RBFOX1: variants seen among roughly 807,000 people sequenced by gnomAD.
The protein encoded by RBFOX1 is RNA binding protein fox-1 homolog 1.
In RBFOX1, 8 loss-of-function variants were observed where a neutral mutation model predicts 57.7. The observed-to-expected ratio is 0.14, with a 90% CI of 0.08 to 0.25. The LOEUF is 0.25. Ranked by LOEUF, RBFOX1 falls within the 10% of genes least tolerant of loss-of-function variation. RBFOX1 has a pLI of 1.00. For missense variants in RBFOX1, 611 were observed against 548.5 expected (o/e 1.11, Z -1.14); for synonymous variants, 326 against 222.4 (o/e 1.47, Z -4.15).
At chr16:5,408,121 G>T in intron 1 of RBFOX1, among the ~76,000 whole-genome samples, 1 of 152,156 alleles carries the variant, frequency 6.6e-6, no homozygotes, top group Non-Finnish European at 1.5e-5. Flanking sequence ...TCCTCCTCCT[G>T]TCCAGTTGTG....
At chr16:7,352,257 G>T (rs1461918191) in intron 4 of RBFOX1, among the ~76,000 whole-genome samples, 2 of 152,194 alleles carry the variant, frequency 1.3e-5, no homozygotes, top group African/African-American at 2.4e-5. Context: ...CAGCTGTGCA[G>T]TGTAACCTAA....
At chr16:7,534,240 C>T (rs9937813) in intron 5 of RBFOX1, among the ~76,000 whole-genome samples, 13,113 of 151,598 alleles carry the variant, frequency 0.086, 1,550 homozygotes, top group African/African-American at 0.27. Flanking sequence ...GCACCCATCA[C>T]CACACCCAGT....
chr16:5,379,253 G>A (rs902157260), intron 1 of RBFOX1, among the ~76,000 whole-genome samples: 2 of 151,312 alleles, frequency 1.3e-5, no homozygotes, highest in Non-Finnish European at 2.9e-5. Flanking sequence ...TTTCATATTT[G>A]GTTTCATTTT....
chr16:7,461,549 G>T (rs761418981), intron 4 of RBFOX1, among the ~76,000 whole-genome samples: 1 of 152,168 alleles, frequency 6.6e-6, no homozygotes, highest in Non-Finnish European at 1.5e-5. Flanking sequence ...GTGTATTTCA[G>T]ATACCCTCCA....
chr16:6,104,625 T>A (rs549847094), intron 1 of RBFOX1, among the ~76,000 whole-genome samples: 1 of 152,204 alleles, frequency 6.6e-6, no homozygotes, highest in East Asian at 1.9e-4. Flanking sequence ...CCTAGCAGCA[T>A]AATTCAAAAT....
chr16:6,568,265 G>A lies in RBFOX1; in HGVS notation c.-63-86338G>A, dbSNP rs530793454. 2.9e-4 allele frequency among the ~76,000 whole-genome samples: 44 copies of A among 152,278 alleles called. No individual in the cohort carries two copies. The South Asian group carries it at 8.5e-3, about 29-fold the overall frequency. ...TGTGAGGTGGTGGTTCAGTACATCA[G>A]CTGGGGCAGCCGTCAGTGACAGTTG... On this transcript the variant is annotated intron_variant, in intron 2 of 15. Transcript: ENST00000550418.
At chr16:6,892,495 C>G (rs902704562) in intron 3 of RBFOX1, among the ~76,000 whole-genome samples, 1 of 152,004 alleles carries the variant, frequency 6.6e-6, no homozygotes, top group African/African-American at 2.4e-5. Flanking sequence ...CACGGTGAAA[C>G]CCTGATTCTA....
chr16:7,176,745 A>G (rs914183995), intron 4 of RBFOX1, among the ~76,000 whole-genome samples: 4 of 152,240 alleles, frequency 2.6e-5, no homozygotes, highest in Non-Finnish European at 5.9e-5. Flanking sequence ...TACTTTTATT[A>G]TAGTCAAGGT....
At chr16:7,063,511 C>G (rs778920382) in intron 4 of RBFOX1, among the ~76,000 whole-genome samples, 1 of 152,144 alleles carries the variant, frequency 6.6e-6, no homozygotes, top group Non-Finnish European at 1.5e-5. Context: ...GGATCAGATT[C>G]TGGAGATGGA....
chr16:6,314,712 T>A (rs1357115066), intron 1 of RBFOX1, among the ~76,000 whole-genome samples: 1 of 152,168 alleles, frequency 6.6e-6, no homozygotes, highest in Non-Finnish European at 1.5e-5. Flanking sequence ...CTATTATTTT[T>A]AATAAATGAG....
intron 4 of RBFOX1, among the ~76,000 whole-genome samples, chr16:7,295,364 G>C (rs1289944748): frequency 6.6e-6 from 1 of 152,124 alleles, no homozygotes; most frequent in Non-Finnish European, 1.5e-5. Context: ...TTTTTGCAAA[G>C]AAGGAGGAAT....
At chr16:6,873,717 C>T (rs766573733) in intron 3 of RBFOX1, among the ~76,000 whole-genome samples, 2 of 152,150 alleles carry the variant, frequency 1.3e-5, no homozygotes, top group Non-Finnish European at 2.9e-5. Flanking sequence ...CACTATCATC[C>T]TCTCATTGTC....
At chr16:6,828,003 A>G (rs909097982) in intron 3 of RBFOX1, among the ~76,000 whole-genome samples, 14 of 152,158 alleles carry the variant, frequency 9.2e-5, no homozygotes, top group Admixed American at 7.2e-4. Flanking sequence ...TTGCTCATCA[A>G]TTTTTCCCCA....
intron 3 of RBFOX1, among the ~76,000 whole-genome samples, chr16:6,782,819 T>G (rs1012805931): frequency 6.6e-5 from 10 of 152,322 alleles, no homozygotes; most frequent in Admixed American, 4.6e-4. Context: ...ATGCTGAAAG[T>G]GGTATGTTAA....
chr16:6,457,769 A>C (rs2094813487), intron 2 of RBFOX1, among the ~76,000 whole-genome samples: 1 of 152,184 alleles, frequency 6.6e-6, no homozygotes, highest in Admixed American at 6.5e-5. Flanking sequence ...GATCTGCTTT[A>C]ATGACCAGAG....
chr16:7,028,781 C>T (rs541083195), intron 3 of RBFOX1, among the ~76,000 whole-genome samples: 4 of 151,184 alleles, frequency 2.6e-5, no homozygotes, highest in African/African-American at 9.7e-5. Flanking sequence ...AGTTTGGAAA[C>T]CATGGAACAT....
chr16:6,487,736 T>C lies in RBFOX1; in HGVS notation c.-63-166867T>C, dbSNP rs1426873937. On this transcript the variant is annotated intron_variant, in intron 2 of 15. Coordinates refer to ENST00000550418, the MANE Select transcript of RBFOX1 (RefSeq NM_018723.4). ...ATATATATATATATATATATATATATATATATATATATATATATAAAATAT... is the reference window on the plus strand; with the variant it reads ...ATATATATATATATATATATATATACATATATATATATATATATAAAATAT... Among the ~76,000 whole-genome samples, 3 of 55,740 alleles carry C rather than the reference T, an allele frequency of 5.4e-5. 1 individual carries two copies. The highest frequency in any genetic ancestry group is 6.7e-5 in the Non-Finnish European group (2 of 29,688). The allele number at this position is 55,740 out of a possible 152,430, so 36.6% of individuals were successfully genotyped here. A position where few individuals can be genotyped will look rare whatever the true frequency, so the allele number is the denominator to read the frequency against.
chr16:7,000,418 G>A lies in RBFOX1; in HGVS notation c.-15-51639G>A, dbSNP rs534357681. Among the ~76,000 whole-genome samples the A allele has an allele frequency of 8.5e-4, 129 of 152,106 alleles. 1 individual carries two copies. The highest frequency in any genetic ancestry group is 3.4e-3 in the Middle Eastern group (1 of 294). Reference sequence around the variant, plus strand: ...TTGCAATCTATTTGTTGAGGTCACCGGGTCATTTTTATGCAACAGTCTCTA... The same window carrying A: ...TTGCAATCTATTTGTTGAGGTCACCAGGTCATTTTTATGCAACAGTCTCTA... On this transcript the variant is annotated intron_variant, in intron 3 of 15. Transcript: ENST00000550418.
At chr16:5,587,790 A>T (rs946378989) in intron 2 of RBFOX1, among the ~76,000 whole-genome samples, 7 of 152,314 alleles carry the variant, frequency 4.6e-5, no homozygotes, top group Middle Eastern at 3.4e-3. Context: ...CACTTGAGAA[A>T]ACAGCCAGAG....
Sources: gnomAD v4.1 joint callset for allele counts (sites outside exome capture counted in the v4.1 genomes callset) on GRCh38, gnomAD v4.1.1 for gene constraint, MANE v1.5 for transcripts, NCBI Gene and HGNC (gene_info 2026-07-23, HGNC 2026-07-21) for gene names.